Variants in PIGN observed in about 807,000 individuals in gnomAD.
The protein encoded by PIGN is phosphatidylinositol glycan anchor biosynthesis class N.
A neutral mutation model predicts 125.4 loss-of-function variants in PIGN; 117 were observed. The ratio of observed to expected loss-of-function variants is 0.93; its 90% CI spans 0.80 to 1.09. The LOEUF is 1.09. PIGN is among the 50% of genes least tolerant of loss of function. The pLI is 0.00. For missense variants in PIGN, 1,075 were observed against 1,094.9 expected (o/e 0.98, Z 0.26); for synonymous variants, 392 against 377.8 (o/e 1.04, Z -0.44).
intron 21 of PIGN, among the ~76,000 whole-genome samples, chr18:62,101,793 G>A (rs552725556): frequency 7.9e-5 from 12 of 152,218 alleles, no homozygotes; most frequent in Admixed American, 4.6e-4. Context: ...TGGTCTAGAC[G>A]TGGTTATTTA....
intron 30 of PIGN, among the ~76,000 whole-genome samples, chr18:62,056,237 A>G (rs545156778): frequency 9.9e-5 from 15 of 151,746 alleles, no homozygotes; most frequent in Non-Finnish European, 1.8e-4. Flanking sequence ...ATTAAAATAT[A>G]AAGTTAAATG....
intron 21 of PIGN, among the ~76,000 whole-genome samples, chr18:62,102,232 A>C (rs2034473932): frequency 6.7e-6 from 1 of 150,212 alleles, no homozygotes; most frequent in African/African-American, 2.5e-5. Flanking sequence ...CATTTCAAAA[A>C]AACACATACA....
chr18:62,047,507 G>C (rs1372818580), intron 30 of PIGN, among the ~76,000 whole-genome samples: 1 of 152,194 alleles, frequency 6.6e-6, no homozygotes, highest in Non-Finnish European at 1.5e-5. Flanking sequence ...TTGCATGGGA[G>C]GCAAAGGGGA....
chr18:62,133,107 A>T (rs2035800918), intron 14 of PIGN, among the ~76,000 whole-genome samples: 1 of 152,208 alleles, frequency 6.6e-6, no homozygotes, highest in South Asian at 2.1e-4. Flanking sequence ...ATACTTTATT[A>T]TACAGTCGGC....
At chr18:62,175,436 C>A (rs927755503) in intron 1 of PIGN, among the ~76,000 whole-genome samples, 1 of 152,174 alleles carries the variant, frequency 6.6e-6, no homozygotes, top group African/African-American at 2.4e-5. Context: ...TTAACCCATT[C>A]CCCATAAAAT....
intron 30 of PIGN, among the ~76,000 whole-genome samples, chr18:62,067,037 TCAGTCATA>T (rs1459327000): frequency 1.3e-5 from 2 of 152,220 alleles, no homozygotes; most frequent in Admixed American, 1.3e-4. Flanking sequence ...TTAGCTTTTA[TCAGTCATA>T]CATGCAAGTA....
chr18:62,057,464 C>T (rs1375142947), intron 30 of PIGN, among the ~76,000 whole-genome samples: 6 of 152,112 alleles, frequency 3.9e-5, no homozygotes, highest in Non-Finnish European at 7.4e-5. Context: ...TTTTCTAAGT[C>T]CAGCCACTTG....
At chr18:62,021,110 C>T (rs577291435) in intron 23 of PIGN, among the ~76,000 whole-genome samples, 36 of 152,184 alleles carry the variant, frequency 2.4e-4, no homozygotes, top group Non-Finnish European at 4.0e-4. Context: ...TAAAAATAAA[C>T]ATACACCTAC....
At chr18:62,084,434 G>A in intron 27 of PIGN, 97 bp downstream of exon 27, 1 of 738,702 alleles carries the variant, frequency 1.4e-6, no homozygotes, top group South Asian at 1.9e-5. Context: ...ACTCTGAAAG[G>A]ATATCTTCTT....
intron 14 of PIGN, chr18:62,118,478 A>G (rs1272829039): frequency 6.6e-6 from 1 of 152,136 alleles, no homozygotes; most frequent in Non-Finnish European, 1.5e-5. Context: ...CCAAAATTCT[A>G]CAAACTGTAA....
intron 23 of PIGN, among the ~76,000 whole-genome samples, chr18:62,018,243 T>C (rs933883682): frequency 2.0e-5 from 3 of 152,156 alleles, no homozygotes; most frequent in Non-Finnish European, 4.4e-5. Context: ...TTCCAGCTGC[T>C]CTGGTAGAGC....
At chr18:62,163,271 A>C (rs748076868) in intron 2 of PIGN, among the ~76,000 whole-genome samples, 2 of 152,120 alleles carry the variant, frequency 1.3e-5, no homozygotes, top group African/African-American at 2.4e-5. Flanking sequence ...GGTCCCAACG[A>C]AAAAAGGACT....
chr18:62,164,751 G>A (rs2037071712), intron 1 of PIGN, among the ~76,000 whole-genome samples: 1 of 152,164 alleles, frequency 6.6e-6, no homozygotes, highest in Admixed American at 6.5e-5. Flanking sequence ...TTATGTATAT[G>A]TTAATACATA....
intron 14 of PIGN, among the ~76,000 whole-genome samples, chr18:62,132,601 G>C (rs1325845440): frequency 6.6e-6 from 1 of 151,878 alleles, no homozygotes; most frequent in Non-Finnish European, 1.5e-5. Context: ...CAGCACTTTG[G>C]GAGGCCAAGG....
intron 14 of PIGN, among the ~76,000 whole-genome samples, chr18:62,120,928 C>A (rs181805905): frequency 6.6e-6 from 1 of 151,984 alleles, no homozygotes; most frequent in East Asian, 1.9e-4. Flanking sequence ...AAACAAACAA[C>A]AAAGTCAATT....
At chr18:62,071,886 A>G (rs546806368) in intron 30 of PIGN, among the ~76,000 whole-genome samples, 4 of 126,450 alleles carry the variant, frequency 3.2e-5, no homozygotes, top group African/African-American at 1.2e-4. Context: ...ATATATATAT[A>G]TATATATATA....
rs376234332 is a variant in PIGN at position 62,102,914 on chromosome 18, T to C, written c.1860-12A>G. The C allele has an allele frequency of 3.8e-5, 55 of 1,436,722 alleles. 1 individual carries two copies. The highest frequency in any genetic ancestry group is 3.4e-4 in the Admixed American group (14 of 40,590). 89.0% of individuals were successfully genotyped at this position (1,436,722 alleles called of 1,614,324 possible). ...AGCCTGCACCCATCCTGTTTTGAAA[T>C]ACAATTAATTTTAAATTTTCTTCAG... On this transcript the variant is annotated splice_polypyrimidine_tract_variant and intron_variant, in intron 20 of 30. Coordinates refer to ENST00000640252, the MANE Select transcript of PIGN (RefSeq NM_176787.5).
At chr18:62,172,521 ACTCTAAT>A (rs1373550622) in intron 1 of PIGN, among the ~76,000 whole-genome samples, 5 of 152,124 alleles carry the variant, frequency 3.3e-5, no homozygotes, top group Non-Finnish European at 7.4e-5. Flanking sequence ...TTAACTTAGT[ACTCTAAT>A]AATGTACTTA....
At chr18:62,170,810 G>A (rs78466260) in intron 1 of PIGN, among the ~76,000 whole-genome samples, 5,425 of 152,244 alleles carry the variant, frequency 0.036, 328 homozygotes, top group African/African-American at 0.12. Flanking sequence ...AAAAGTTCTT[G>A]AAGAAAATTA....
Sources: gnomAD v4.1 joint callset for allele counts (sites outside exome capture counted in the v4.1 genomes callset) on GRCh38, gnomAD v4.1.1 for gene constraint, MANE v1.5 for transcripts, NCBI Gene and HGNC (gene_info 2026-07-23, HGNC 2026-07-21) for gene names.